SH3RF1: variants seen among roughly 807,000 people sequenced by gnomAD.
SH3RF1 encodes the protein E3 ubiquitin-protein ligase SH3RF1.
SH3RF1 carries 32 observed loss-of-function variants against 74.0 expected under a neutral mutation model. The observed-to-expected ratio is 0.43, with a 90% CI of 0.33 to 0.58. SH3RF1 has a LOEUF of 0.58. Ranked by LOEUF, SH3RF1 falls within the 20% of genes least tolerant of loss-of-function variation. SH3RF1 has a pLI of 0.05. For missense variants in SH3RF1, 954 were observed against 1,130.9 expected (o/e 0.84, Z 2.24); for synonymous variants, 396 against 439.6 (o/e 0.90, Z 1.24).
intron 6 of SH3RF1, among the ~76,000 whole-genome samples, chr4:169,124,955 AG>A (rs1194131079): frequency 2.0e-5 from 3 of 152,224 alleles, no homozygotes; most frequent in Non-Finnish European, 4.4e-5. Flanking sequence ...AGTCCAGGCC[AG>A]CCCAGGCACC....
intron 2 of SH3RF1, among the ~76,000 whole-genome samples, chr4:169,248,942 T>C (rs2110743104): frequency 6.6e-6 from 1 of 152,252 alleles, no homozygotes; most frequent in East Asian, 1.9e-4. Context: ...TAAGAGGCAA[T>C]TAGGGACGGG....
At chr4:169,096,780 A>C (rs1362820443) in intron 11 of SH3RF1, 93 bp from the exon 12 acceptor site, 9 of 1,139,766 alleles carry the variant, frequency 7.9e-6, no homozygotes, top group Non-Finnish European at 1.0e-5. Flanking sequence ...CAACATAAAT[A>C]GGAAATAACA....
At chr4:169,157,599 T>C (rs1734080904) in intron 2 of SH3RF1, among the ~76,000 whole-genome samples, 1 of 152,200 alleles carries the variant, frequency 6.6e-6, no homozygotes, top group African/African-American at 2.4e-5. Context: ...CTGAGCGCTG[T>C]TGCATATCGT....
Position 169,117,573 on chromosome 4 carries a change from T to C in SH3RF1, c.1727A>G (p.His576Arg). ...GTTGACTGTCATTTGCCCCGTCATGTGCAACAAGACCTTAGCCTGAGGACT... is the reference window on the plus strand; with the variant it reads ...GTTGACTGTCATTTGCCCCGTCATGCGCAACAAGACCTTAGCCTGAGGACT... The part of the protein sequence containing the change: ...QTSPQAKVLL[H>R]MTGQMTVNQA... The change falls in exon 9 of 12, where the codon CAC becomes CGC. Residue 576 changes from histidine to arginine, a missense_variant. Transcript: ENST00000284637. The C allele has an allele frequency of 1.2e-6, 2 of 1,614,244 alleles. No homozygotes were observed. Among genetic ancestry groups the C allele is most frequent in the Non-Finnish European group, 1.7e-6 (2 of 1,180,048 alleles).
At chr4:169,123,155 G>A (rs1407671636) in intron 6 of SH3RF1, among the ~76,000 whole-genome samples, 1 of 152,190 alleles carries the variant, frequency 6.6e-6, no homozygotes, top group South Asian at 2.1e-4. Context: ...ACCTAGTTAA[G>A]TGTAAATGGC....
intron 5 of SH3RF1, among the ~76,000 whole-genome samples, chr4:169,135,912 A>G (rs1733691461): frequency 6.6e-6 from 1 of 152,238 alleles, no homozygotes. Context: ...TAAGTTACAT[A>G]GATACAAGCA....
Position 169,136,530 on chromosome 4 carries a change from T to C in SH3RF1, c.856A>G (p.Ser286Gly). Residue 286 changes from serine to glycine, a missense_variant, in exon 5 of 12, where the codon AGC (serine) becomes GGC (glycine). By Grantham distance (56) the Ser-to-Gly change is moderately conservative (BLOSUM62 0). Coordinates refer to ENST00000284637, the MANE Select transcript of SH3RF1 (RefSeq NM_020870.4). ...TCGGAGTGCTTTGGGGCAGTGCTGC[T>C]CTGGGCTGCTGCCGAGGAACATTCT... The part of the protein sequence containing the change: ...AGECSSAAAQ[S>G]STAPKHSDTK... 3 of 1,612,284 alleles carry C rather than the reference T, an allele frequency of 1.9e-6. No homozygotes were observed. Among genetic ancestry groups the C allele is most frequent in the Non-Finnish European group, 2.5e-6 (3 of 1,179,444 alleles).
At chr4:169,184,361 A>C (rs1734568541) in intron 2 of SH3RF1, among the ~76,000 whole-genome samples, 2 of 152,216 alleles carry the variant, frequency 1.3e-5, no homozygotes, top group Admixed American at 1.3e-4. Flanking sequence ...CTCAGCTTCC[A>C]CACTTGAAGA....
Position 169,146,056 on chromosome 4 carries a change from T to TAC in SH3RF1, c.765+9423_765+9424insGT, listed in dbSNP as rs1175160417. Among the ~76,000 whole-genome samples, 830 of 86,342 alleles carry TAC rather than the reference T, an allele frequency of 9.6e-3. 142 individuals are homozygous for TAC. The highest frequency in any genetic ancestry group is 0.038 in the African/African-American group (779 of 20,260). The allele number at this position is 86,342 out of a possible 152,430, so 56.6% of individuals were successfully genotyped here. On this transcript the variant is annotated intron_variant, in intron 4 of 11. Coordinates refer to ENST00000284637, the MANE Select transcript of SH3RF1 (RefSeq NM_020870.4). ...ATTCTATATATTCTATATAAAATAT[T>TAC]ATATATTCTATATAAAATATTATAT...
intron 5 of SH3RF1, among the ~76,000 whole-genome samples, chr4:169,134,730 T>A (rs145871058): frequency 1.3e-5 from 2 of 152,346 alleles, no homozygotes; most frequent in African/African-American, 2.4e-5. Context: ...CGGATATGAT[T>A]AGTTAAATGT....
chr4:169,243,928 A>G (rs138665206), intron 2 of SH3RF1, among the ~76,000 whole-genome samples: 1 of 152,336 alleles, frequency 6.6e-6, no homozygotes, highest in African/African-American at 2.4e-5. Flanking sequence ...ACTTTTACTT[A>G]AATAACTGCA....
chr4:169,167,678 T>G (rs968110057), intron 2 of SH3RF1, among the ~76,000 whole-genome samples: 1 of 152,142 alleles, frequency 6.6e-6, no homozygotes, highest in Non-Finnish European at 1.5e-5. Context: ...GAATCTCTTG[T>G]GGTAAAAATC....
chr4:169,102,483 A>G (rs1282136795), intron 11 of SH3RF1, among the ~76,000 whole-genome samples: 1 of 152,024 alleles, frequency 6.6e-6, no homozygotes. Flanking sequence ...ACACAGATAA[A>G]GATGACTTGC....
At chr4:169,198,819 A>T (rs1226144721) in intron 2 of SH3RF1, among the ~76,000 whole-genome samples, 1 of 152,212 alleles carries the variant, frequency 6.6e-6, no homozygotes, top group Admixed American at 6.5e-5. Flanking sequence ...CTTCAACGGA[A>T]ACAATAGAGG....
At chr4:169,226,561 C>T (rs908473525) in intron 2 of SH3RF1, among the ~76,000 whole-genome samples, 1 of 151,820 alleles carries the variant, frequency 6.6e-6, no homozygotes, top group Non-Finnish European at 1.5e-5. Context: ...AAAGCCCATG[C>T]TAATCTCATT....
At chr4:169,216,467 C>T (rs2660414) in intron 2 of SH3RF1, among the ~76,000 whole-genome samples, 9,973 of 152,102 alleles carry the variant, frequency 0.066, 365 homozygotes, top group Admixed American at 0.1. Flanking sequence ...TGTTCTTGCT[C>T]CTTTTATTGT....
chr4:169,254,595 G>A (rs969117849), intron 2 of SH3RF1, among the ~76,000 whole-genome samples: 1 of 152,160 alleles, frequency 6.6e-6, no homozygotes, highest in African/African-American at 2.4e-5. Context: ...AGAGATGGGG[G>A]AAACTGAATT....
In SH3RF1 at chr4:169,110,305, T is replaced by C. The variant is rs28623191; in HGVS notation, c.2140-3100A>G. 9.3e-3 allele frequency among the ~76,000 whole-genome samples: 1,330 copies of C among 143,398 alleles called. 17 individuals carry two copies. Among genetic ancestry groups the C allele is most frequent in the African/African-American group, 0.028 (1,079 of 38,524 alleles). 94.1% of individuals were successfully genotyped at this position (143,398 alleles called of 152,430 possible). On this transcript the variant is annotated intron_variant, in intron 10 of 11. Coordinates refer to ENST00000284637, the MANE Select transcript of SH3RF1 (RefSeq NM_020870.4). ...GAGTTCAGGCTGCAGTGAGGTATGA[T>C]TGCACCACTGCACTCCAGCCTGGGT...
intron 2 of SH3RF1, among the ~76,000 whole-genome samples, chr4:169,225,827 G>A (rs1438435784): frequency 2.0e-5 from 3 of 152,118 alleles, no homozygotes; most frequent in Non-Finnish European, 4.4e-5. Context: ...AGAATCCAGT[G>A]GAGAGATTGA....
Sources: allele counts gnomAD v4.1 joint callset (sites outside exome capture counted in the v4.1 genomes callset), GRCh38; gene constraint gnomAD v4.1.1; transcripts MANE v1.5; gene names NCBI Gene and HGNC (gene_info 2026-07-23, HGNC 2026-07-21).